TBC1D30: variants seen among roughly 807,000 people sequenced by gnomAD.
TBC1D30 encodes the protein TBC1 domain family member 30, also known as TBC1 domain family, member 30.
A neutral mutation model predicts 63.2 loss-of-function variants in TBC1D30; 31 were observed. The observed-to-expected ratio is 0.49, with a 90% CI of 0.37 to 0.66. The LOEUF is 0.66. TBC1D30 is among the 30% of genes least tolerant of loss of function. The probability of loss-of-function intolerance (pLI) is 0.00; values close to 1 mark genes in which losing one functional copy is unlikely to be tolerated. For missense variants in TBC1D30, 810 were observed against 953.6 expected, an observed-to-expected ratio of 0.85 and a Z score of 1.98; for synonymous variants, 307 against 361.5, an observed-to-expected ratio of 0.85 and a Z score of 1.71.
At chr12:64,859,015 C>T (rs1565682650) in intron 8 of TBC1D30, among the ~76,000 whole-genome samples, 1 of 150,520 alleles carries the variant, frequency 6.6e-6, no homozygotes, top group African/African-American at 2.5e-5. Flanking sequence ...TAGGATTTGA[C>T]TAGGCTGTGT....
Position 64,848,718 on chromosome 12 carries a change from A to G in TBC1D30, c.1038+5233A>G, listed in dbSNP as rs149367588. 5.8e-3 allele frequency among the ~76,000 whole-genome samples: 881 copies of G among 152,304 alleles called. 6 individuals are homozygous for G. Among genetic ancestry groups the G allele is most frequent in the Non-Finnish European group, 8.0e-3 (546 of 68,038 alleles). On this transcript the variant is annotated intron_variant, in intron 8 of 11. Transcript: ENST00000539867. ...GTTCCAAGTCTTTGCTATTGTGAAT[A>G]GTGCTGCAGTAAATGTAAGTGTGCA...
intron 1 of TBC1D30, among the ~76,000 whole-genome samples, chr12:64,766,050 G>A (rs1323417859): frequency 6.6e-6 from 1 of 151,886 alleles, no homozygotes; most frequent in East Asian, 1.9e-4. Flanking sequence ...TAACTGAATA[G>A]CACTATATCT....
At chr12:64,864,356 T>C (rs73327208) in intron 8 of TBC1D30, among the ~76,000 whole-genome samples, 2,146 of 152,320 alleles carry the variant, frequency 0.014, 66 homozygotes, top group African/African-American at 0.049. Flanking sequence ...TAGGGAGCTG[T>C]GGATTTCTGC....
rs573457719 is a variant in TBC1D30, at chr12:64,862,763, C to A, written c.1039-1905C>A. Among the ~76,000 whole-genome samples, 10 of 152,240 alleles carry A rather than the reference C, an allele frequency of 6.6e-5. No homozygotes were observed. In the South Asian group the frequency reaches 2.1e-3, roughly 32 times the overall value. ...ATCTTTTAAAGTTGAATCCAAAGGA[C>A]ATGGGTTTCTTAAATGTCTGAACAC... On this transcript the variant is annotated intron_variant, in intron 8 of 11. Transcript: ENST00000539867.
At chr12:64,839,960 G>A (rs532042060) in intron 7 of TBC1D30, among the ~76,000 whole-genome samples, 60 of 137,080 alleles carry the variant, frequency 4.4e-4, no homozygotes, top group African/African-American at 1.1e-3. Flanking sequence ...AGCCGAGATC[G>A]TGCCACTGCA....
At chr12:64,760,617 C>T (rs1870467202) in intron 1 of TBC1D30, among the ~76,000 whole-genome samples, 1 of 152,008 alleles carries the variant, frequency 6.6e-6, no homozygotes, top group Non-Finnish European at 1.5e-5. Flanking sequence ...CAAGTCACAT[C>T]CCCAGACCGA....
chr12:64,772,698 G>T (rs1870950356), intron 1 of TBC1D30, among the ~76,000 whole-genome samples: 1 of 152,138 alleles, frequency 6.6e-6, no homozygotes, highest in Non-Finnish European at 1.5e-5. Context: ...AAAGTGCTGG[G>T]ATTACAGGCG....
intron 1 of TBC1D30, among the ~76,000 whole-genome samples, chr12:64,767,448 T>C (rs1325272429): frequency 1.3e-5 from 2 of 152,024 alleles, no homozygotes; most frequent in African/African-American, 4.8e-5. Context: ...CTAGACAAAA[T>C]CAATATGACT....
rs150813730 is a variant in TBC1D30 at position 64,801,495 on chromosome 12, G to A, written c.643+15450G>A. Among the ~76,000 whole-genome samples, 118 of 152,248 alleles carry A rather than the reference G, an allele frequency of 7.8e-4. 2 individuals carry two copies. The highest frequency in any genetic ancestry group is 6.8e-3 in the Middle Eastern group (2 of 294). ...GCACCAACAGGGTTCTATTGAGATC[G>A]GAGTTTCTTAGTTCATAAACATGGA... On this transcript the variant is annotated intron_variant, in intron 2 of 12. Coordinates refer to the TBC1D30 transcript ENST00000542120.
upstream of TBC1D30, among the ~76,000 whole-genome samples, chr12:64,776,179 A>G (rs560406290): frequency 1.6e-3 from 240 of 152,296 alleles, no homozygotes; most frequent in Non-Finnish European, 1.6e-3. Flanking sequence ...ATCTCAAGTT[A>G]ACAACCTAAT....
chr12:64,830,601 G>T, intron 4 of TBC1D30, 99 bp downstream of exon 4: 1 of 1,133,532 alleles, frequency 8.8e-7, no homozygotes, highest in African/African-American at 1.5e-5. Context: ...CTACCTTCTG[G>T]TTTGAATGTC....
At chr12:64,780,472 C>A (rs182173850), upstream of TBC1D30, among the ~76,000 whole-genome samples, 3 of 152,266 alleles carry the variant, frequency 2.0e-5, no homozygotes, top group Admixed American at 1.3e-4. Context: ...GCGCCCTCCC[C>A]CTCCGTGCTG....
intron 11 of TBC1D30, among the ~76,000 whole-genome samples, chr12:64,872,586 T>C (rs1878740490): frequency 6.6e-6 from 1 of 152,216 alleles, no homozygotes; most frequent in Non-Finnish European, 1.5e-5. Flanking sequence ...ATATTCACTC[T>C]GTTTCAGTAG....
At chr12:64,766,661 A>G (rs1424928270) in intron 1 of TBC1D30, among the ~76,000 whole-genome samples, 1 of 152,212 alleles carries the variant, frequency 6.6e-6, no homozygotes, top group Non-Finnish European at 1.5e-5. Flanking sequence ...GAACAAGGAC[A>G]TAGAAGACTT....
At chr12:64,777,059 C>G (rs765334210), upstream of TBC1D30, among the ~76,000 whole-genome samples, 7 of 152,170 alleles carry the variant, frequency 4.6e-5, no homozygotes, top group Non-Finnish European at 7.4e-5. Flanking sequence ...ATTCAACATC[C>G]ATTCATGTTA....
rs112565966 is a variant in TBC1D30, at chr12:64,809,471, A to G, written c.644-18364A>G. ...GAGTAATATTCCATGGTAGAATGTT[A>G]CTTTTGTTTATCTACTTGTTGGTTG... is the stretch of plus-strand genomic sequence containing the variant. On this transcript the variant is annotated intron_variant, in intron 2 of 12. Coordinates refer to the TBC1D30 transcript ENST00000542120. Among the ~76,000 whole-genome samples, 833 of 152,210 alleles carry G rather than the reference A, an allele frequency of 5.5e-3. 4 individuals are homozygous for G. Among genetic ancestry groups the G allele is most frequent in the Middle Eastern group, 0.01 (3 of 294 alleles).
chr12:64,795,117 AG>A (rs1872172741), intron 2 of TBC1D30, among the ~76,000 whole-genome samples: 3 of 152,170 alleles, frequency 2.0e-5, no homozygotes, highest in Admixed American at 6.5e-5. Flanking sequence ...GCTCCCTGGC[AG>A]GGCTTATTGA....
Position 64,809,194 on chromosome 12 carries a change from G to A in TBC1D30, c.644-18641G>A, listed in dbSNP as rs377058544. Among the ~76,000 whole-genome samples, 16 of 152,092 alleles carry A rather than the reference G, an allele frequency of 1.1e-4. No homozygotes were observed. In the East Asian group the frequency reaches 2.1e-3, roughly 20 times the overall value. On this transcript the variant is annotated intron_variant, in intron 2 of 12. Coordinates refer to the TBC1D30 transcript ENST00000542120. ...GTGATTTTTGAGATTTTGATGTACCGGTCACTGAAACAGTGTACACTGTAC... is the reference window on the plus strand; with the variant it reads ...GTGATTTTTGAGATTTTGATGTACCAGTCACTGAAACAGTGTACACTGTAC...
chr12:64,764,288 G>GT (rs1870626702), intron 1 of TBC1D30, among the ~76,000 whole-genome samples: 1 of 151,984 alleles, frequency 6.6e-6, no homozygotes. Context: ...AATAAGTTGT[G>GT]TTTTCATTTT....
Sources: gnomAD v4.1 joint callset for allele counts (sites outside exome capture counted in the v4.1 genomes callset) on GRCh38, gnomAD v4.1.1 for gene constraint, MANE v1.5 for transcripts, NCBI Gene and HGNC (gene_info 2026-07-23, HGNC 2026-07-21) for gene names.